NIN: variants seen among roughly 807,000 people sequenced by gnomAD.
The protein encoded by NIN is ninein.
Under a neutral mutation model 257.6 loss-of-function variants are expected in NIN, and 137 were observed. That is an observed-to-expected ratio of 0.53 (90% CI 0.46 to 0.61). The LOEUF (loss-of-function observed/expected upper bound fraction) is 0.61, where lower values mean the gene tolerates loss of function less well. NIN is among the 20% of genes least tolerant of loss of function. NIN has a pLI of 0.00. For missense variants in NIN, 2,439 were observed against 2,501.2 expected (o/e 0.98, Z 0.53); for synonymous variants, 918 against 919.8 (o/e 1.00, Z 0.04).
Position 50,722,615 on chromosome 14 carries a change from C to G in NIN, c.*848G>C. On this transcript the variant is annotated 3_prime_UTR_variant, in exon 31 of 31. Transcript: ENST00000530997. ...TTTATGAACTCTAAGATTTGAGAGACAGAAAACCTACATGGTCTGCTTATC... is the reference window on the plus strand; with the variant it reads ...TTTATGAACTCTAAGATTTGAGAGAGAGAAAACCTACATGGTCTGCTTATC... The G allele has an allele frequency of 4.7e-6, 1 of 214,036 alleles. No homozygotes were observed. The highest frequency in any genetic ancestry group is 9.5e-6 in the Non-Finnish European group (1 of 105,502). 13.3% of individuals were successfully genotyped at this position (214,036 alleles called of 1,614,324 possible). A position where few individuals can be genotyped will look rare whatever the true frequency, so the allele number is the denominator to read the frequency against.
Position 50,727,404 on chromosome 14 carries a change from C to T in NIN, c.6079-1338G>A, listed in dbSNP as rs534118564. On this transcript the variant is annotated intron_variant, in intron 29 of 30. Transcript: ENST00000530997. Reference sequence around the variant, plus strand: ...ATGGAATGAGAAAATATATAGACTACATCCTTTCAAGAATCTTAAATCCAC... The same window carrying T: ...ATGGAATGAGAAAATATATAGACTATATCCTTTCAAGAATCTTAAATCCAC... 7.5e-6 allele frequency: 8 copies of T among 1,069,596 alleles called. No homozygotes were observed. The East Asian group carries it at 2.7e-4, about 36-fold the overall frequency. The allele number at this position is 1,069,596 out of a possible 1,614,324, so 66.3% of individuals were successfully genotyped here. A position where few individuals can be genotyped will look rare whatever the true frequency, so the allele number is the denominator to read the frequency against.
In NIN at chr14:50,738,151, C is replaced by G; in HGVS notation, c.5764G>C (p.Ala1922Pro). The G allele has an allele frequency of 6.2e-7, 1 of 1,613,982 alleles. No homozygotes were observed. Among genetic ancestry groups the G allele is most frequent in the Non-Finnish European group, 8.5e-7 (1 of 1,179,962 alleles). ...CDQFQKEQSP[A>P]NRKVSQMNSL... ...TCTCAAAAACTCACCTTCCTGTTAG[C>G]AGGAGATTGTTCTTTCTGAAACTGA... Residue 1922 changes from alanine to proline, a missense_variant, in exon 27 of 31, where the codon GCT becomes CCT. Coordinates refer to ENST00000530997, the MANE Select transcript of NIN (RefSeq NM_020921.4).
At position 50,741,993 on chromosome 14, in the gene NIN, C is replaced by A. The variant is rs114798174; in HGVS notation, c.5302-265G>T. 3.5e-3 allele frequency: 1,290 copies of A among 371,682 alleles called. 18 individuals carry two copies. The highest frequency in any genetic ancestry group is 0.023 in the African/African-American group (1,135 of 49,622). 23.0% of individuals were successfully genotyped at this position (371,682 alleles called of 1,614,324 possible). A position where few individuals can be genotyped will look rare whatever the true frequency, so the allele number is the denominator to read the frequency against. On this transcript the variant is annotated intron_variant, in intron 24 of 30. Coordinates refer to ENST00000530997, the MANE Select transcript of NIN (RefSeq NM_020921.4). ...TGGTAGATTACTAAATGGTATCTTA[C>A]AATACCAATGGGTGCCAACTGGCAT...
chr14:50,829,237 T>A (rs182429886), intron 2 of NIN, among the ~76,000 whole-genome samples: 138 of 152,320 alleles, frequency 9.1e-4, no homozygotes, highest in Admixed American at 2.2e-3. Flanking sequence ...GCCTGTAATG[T>A]TCCTCCTATA....
At chr14:50,778,671 C>T in intron 6 of NIN, 94 bp downstream of exon 6, 2 of 1,064,602 alleles carry the variant, frequency 1.9e-6, no homozygotes, top group Non-Finnish European at 2.9e-6. Flanking sequence ...GTTAATTCCC[C>T]TGGCCTGCAG....
chr14:50,773,224 A>G, intron 7 of NIN, 129 bp from the exon 8 acceptor site: 1 of 595,590 alleles, frequency 1.7e-6, no homozygotes, highest in Non-Finnish European at 2.8e-6. Flanking sequence ...ATGCCCCTTT[A>G]TTCTCACTTT....
intron 4 of NIN, among the ~76,000 whole-genome samples, chr14:50,797,995 G>A (rs184120906): frequency 3.9e-5 from 6 of 152,080 alleles, no homozygotes; most frequent in East Asian, 1.9e-4. Flanking sequence ...GGAGGGGAAC[G>A]TCTCAAGGAT....
At chr14:50,752,414 G>A in intron 21 of NIN, 104 bp downstream of exon 21, 1 of 862,008 alleles carries the variant, frequency 1.2e-6, no homozygotes, top group East Asian at 2.4e-5. Flanking sequence ...GGACCATACT[G>A]TTTTAATTAC....
chr14:50,755,586 T>C (rs2140775381), intron 18 of NIN, among the ~76,000 whole-genome samples: 1 of 151,864 alleles, frequency 6.6e-6, no homozygotes, highest in South Asian at 2.1e-4. Context: ...GCATATTTAT[T>C]AGAATCTGGA....
intron 17 of NIN, among the ~76,000 whole-genome samples, chr14:50,759,542 G>A (rs972153041): frequency 6.6e-6 from 1 of 151,276 alleles, no homozygotes; most frequent in African/African-American, 2.4e-5. Flanking sequence ...CGCCCAGGCT[G>A]GAGTGCAGTA....
chr14:50,742,661 T>C (rs1030703062), intron 24 of NIN, among the ~76,000 whole-genome samples: 33 of 152,192 alleles, frequency 2.2e-4, no homozygotes, highest in Non-Finnish European at 4.0e-4. Flanking sequence ...CCCAAAGTGC[T>C]GGGATTACAG....
intron 3 of NIN, among the ~76,000 whole-genome samples, chr14:50,816,866 C>T (rs1212256522): frequency 6.6e-6 from 1 of 152,174 alleles, no homozygotes. Context: ...AACAGCTCTC[C>T]CCTCTCGATC....
intron 3 of NIN, among the ~76,000 whole-genome samples, chr14:50,812,575 G>A (rs1566874703): frequency 6.6e-6 from 1 of 152,180 alleles, no homozygotes. Context: ...AAGAGAGGAA[G>A]GTTTATTAGT....
intron 8 of NIN, among the ~76,000 whole-genome samples, 185 bp from the exon 9 acceptor site, chr14:50,772,653 C>A (rs1449427573): frequency 1.3e-5 from 2 of 152,176 alleles, no homozygotes; most frequent in African/African-American, 4.8e-5. Context: ...TTATCAAAAC[C>A]AACTGTTTTG....
chr14:50,758,276 G>T lies in NIN; in HGVS notation c.2754C>A (p.Asp918Glu). ...MVVERQQLLQDLEDLRNVSET... is the reference protein window; with the variant it reads ...MVVERQQLLQELEDLRNVSET... ...CAGATACATTTCTTAGGTCTTCCAG[G>T]TCTTGGAGTAGCTGCTGTCTCTCGA... Residue 918 changes from aspartate to glutamate, a missense_variant, in exon 18 of 31, where the codon GAC (aspartate) becomes GAA (glutamate). Around this residue, in one of 3 missense-constraint regions of NIN, gnomAD observed 2,043 missense variants for 2,050.2 expected, o/e 1.00. Transcript: ENST00000530997. The T allele has an allele frequency of 6.2e-7, 1 of 1,614,208 alleles. No homozygotes were observed.
intron 27 of NIN, among the ~76,000 whole-genome samples, chr14:50,736,477 C>T (rs925722076): frequency 1.3e-5 from 2 of 152,108 alleles, no homozygotes; most frequent in African/African-American, 4.8e-5. Flanking sequence ...ACCTAGTGAG[C>T]TAGAGGACAC....
At chr14:50,754,124 A>G (rs1223978312) in intron 20 of NIN, among the ~76,000 whole-genome samples, 2 of 152,254 alleles carry the variant, frequency 1.3e-5, no homozygotes, top group Non-Finnish European at 2.9e-5. Flanking sequence ...GAATGGCACC[A>G]GCTATCTGAA....
intron 15 of NIN, among the ~76,000 whole-genome samples, chr14:50,763,342 T>C (rs1221366302): frequency 6.6e-6 from 1 of 152,148 alleles, no homozygotes; most frequent in Non-Finnish European, 1.5e-5. Flanking sequence ...CAGCCCTTAT[T>C]TATCTTCTTT....
At position 50,796,781 on chromosome 14, in the gene NIN, A is replaced by G. The variant is rs116367880; in HGVS notation, c.266-3900T>C. ...CTTTCCCAGCAGCAGTGTGGAGGGG[A>G]GAAACACAGCCTCCCCTACTCCAGG... On this transcript the variant is annotated intron_variant, in intron 4 of 30. Transcript: ENST00000530997. 9.4e-3 allele frequency among the ~76,000 whole-genome samples: 1,429 copies of G among 152,238 alleles called. 21 individuals carry two copies. The highest frequency in any genetic ancestry group is 0.032 in the African/African-American group (1,316 of 41,538).
Sources: allele counts gnomAD v4.1 joint callset (sites outside exome capture counted in the v4.1 genomes callset), GRCh38; gene constraint gnomAD v4.1.1; regional missense constraint gnomAD v4.1.1; transcripts MANE v1.5; gene names NCBI Gene and HGNC (gene_info 2026-07-23, HGNC 2026-07-21).